HSPA14: variants seen among roughly 807,000 people sequenced by gnomAD.
The protein encoded by HSPA14 is heat shock protein family A (Hsp70) member 14, also known as heat shock 70 kDa protein 14.
In HSPA14, 37 loss-of-function variants were observed where a neutral mutation model predicts 65.5. That is an observed-to-expected ratio of 0.56 (90% CI 0.43 to 0.74). HSPA14 has a LOEUF of 0.74. Among genes scored for constraint, HSPA14 ranks in the 30% least tolerant of loss-of-function variants. HSPA14 has a pLI of 0.00. For synonymous variants in HSPA14, 203 were observed against 214.2 expected (o/e 0.95, Z 0.46); for missense variants, 564 against 607.6 (o/e 0.93, Z 0.75).
intron 3 of HSPA14, chr10:14,843,322 T>A (rs1265530386): frequency 1.3e-6 from 2 of 1,546,662 alleles, no homozygotes; most frequent in African/African-American, 2.7e-5. Flanking sequence ...CTCCAAGCAT[T>A]CCCTTAGCAG....
At chr10:14,859,517 T>A (rs1483836534) in intron 10 of HSPA14, among the ~76,000 whole-genome samples, 1 of 152,158 alleles carries the variant, frequency 6.6e-6, no homozygotes, top group Non-Finnish European at 1.5e-5. Context: ...GTCAGCTTAG[T>A]GGGCTTTTGT....
chr10:14,869,302 AT>A (rs1016526919), intron 12 of HSPA14, among the ~76,000 whole-genome samples: 39 of 132,674 alleles, frequency 2.9e-4, no homozygotes, highest in South Asian at 4.7e-4. Flanking sequence ...ATTTATTTTA[AT>A]TTTTTTTTTT....
chr10:14,860,083 T>C (rs1407569632), intron 10 of HSPA14, among the ~76,000 whole-genome samples: 1 of 152,250 alleles, frequency 6.6e-6, no homozygotes, highest in Non-Finnish European at 1.5e-5. Flanking sequence ...TATGGGATTA[T>C]TGCTCTTGTG....
Position 14,842,226 on chromosome 10 carries a change from C to T in HSPA14, c.221+2069C>T. 2.0e-6 allele frequency: 3 copies of T among 1,535,702 alleles called. No homozygotes were observed. The highest frequency in any genetic ancestry group is 1.7e-6 in the Non-Finnish European group (2 of 1,146,808). ...CCTGAGAGCACACAGAGCTTCCCCA[C>T]ACCTTCAGACTTGCACCTTGCTGTC... On this transcript the variant is annotated intron_variant, in intron 3 of 13. Transcript: ENST00000378372. This position sits in a 1 kb window ranked among gnomAD's most constrained non-coding sequence, Gnocchi z 5.2.
Position 14,854,241 on chromosome 10 carries a change from CATT to C in HSPA14, c.854_856del (p.Leu285del). ...GGAAGTGCCAACTGTTTTCTTGACT[CATT>C]ATATGAAGGTCAAGATTTTGATTGC... On this transcript the variant is annotated inframe_deletion, in exon 9 of 14. Transcript: ENST00000378372. The C allele has an allele frequency of 6.2e-7, 1 of 1,612,856 alleles. No individual in the cohort carries two copies. Among genetic ancestry groups the C allele is most frequent in the Non-Finnish European group, 8.5e-7 (1 of 1,179,572 alleles).
chr10:14,867,395 G>A (rs1400698336), intron 11 of HSPA14, 100 bp downstream of exon 11: 5 of 793,128 alleles, frequency 6.3e-6, no homozygotes, highest in Non-Finnish European at 2.0e-6. Context: ...TACATACCAT[G>A]ATGTTACAAT....
At chr10:14,858,334 T>C (rs1832725031) in intron 10 of HSPA14, among the ~76,000 whole-genome samples, 1 of 152,200 alleles carries the variant, frequency 6.6e-6, no homozygotes, top group Non-Finnish European at 1.5e-5. Flanking sequence ...TGAGGCGGAA[T>C]AGTTTTAGGT....
intron 9 of HSPA14, 34 bp from the exon 10 acceptor site, chr10:14,855,807 C>A: frequency 9.6e-7 from 1 of 1,043,622 alleles, no homozygotes; most frequent in Non-Finnish European, 1.5e-6. Flanking sequence ...GTCCCTGTGT[C>A]TGTGTGTTTC....
At position 14,849,796 on chromosome 10, in the gene HSPA14, A is replaced by G. The variant is rs1564322061; in HGVS notation, c.452A>G (p.Gln151Arg). Residue 151 changes from glutamine (Q) to arginine (R), a missense_variant, in exon 6 of 14, where the codon CAA (glutamine) becomes CGA (arginine). Physicochemically the swap from Gln to Arg is conservative, Grantham distance 43. Coordinates refer to ENST00000378372, the MANE Select transcript of HSPA14 (RefSeq NM_016299.4). ...ITVPFDFGEK[Q>R]KNALGEAARA... ...GTCCCGTTTGATTTTGGAGAAAAGC[A>G]AAAAAATGCTCTTGGGTAAGTATAT... The G allele has an allele frequency of 6.2e-7, 1 of 1,607,000 alleles. No individual in the cohort carries two copies. The highest frequency in any genetic ancestry group is 8.5e-7 in the Non-Finnish European group (1 of 1,174,122).
chr10:14,862,380 T>C (rs1027432632), intron 10 of HSPA14, among the ~76,000 whole-genome samples: 3 of 148,186 alleles, frequency 2.0e-5, no homozygotes, highest in African/African-American at 7.4e-5. Context: ...TCTTTTCTTT[T>C]TTTTTTTTTT....
chr10:14,851,178 C>A, intron 6 of HSPA14, 41 bp from the exon 7 acceptor site: 1 of 1,042,148 alleles, frequency 9.6e-7, no homozygotes, highest in Non-Finnish European at 1.5e-6. Flanking sequence ...TAGAATTGAA[C>A]ATGTGATAAA....
intron 9 of HSPA14, 34 bp from the exon 10 acceptor site, chr10:14,855,807 C>G (rs1834141725): frequency 9.6e-7 from 1 of 1,043,622 alleles, no homozygotes; most frequent in Non-Finnish European, 1.5e-6. Context: ...GTCCCTGTGT[C>G]TGTGTGTTTC....
Position 14,855,942 on chromosome 10 carries a change from A to G in HSPA14, c.992A>G (p.Lys331Arg), listed in dbSNP as rs1050249433. ...QNGFTADDIN[K>R]VVLCGGSSRI... Reference sequence around the variant, plus strand: ...GGATTTACAGCAGATGATATCAACAAGGTAATGCTTTTACATTTTTCTTAA... The same window carrying G: ...GGATTTACAGCAGATGATATCAACAGGGTAATGCTTTTACATTTTTCTTAA... The change falls in exon 10 of 14, where the codon AAG (lysine) becomes AGG (arginine). Residue 331 changes from lysine to arginine, a missense_variant and splice_region_variant. Physicochemically the swap from Lys to Arg is conservative, Grantham distance 26. Transcript: ENST00000378372. 1.3e-6 allele frequency: 2 copies of G among 1,521,674 alleles called. No individual in the cohort carries two copies. The highest frequency in any genetic ancestry group is 2.7e-5 in the African/African-American group (2 of 72,960). The allele number at this position is 1,521,674 out of a possible 1,614,324, so 94.3% of individuals were successfully genotyped here. A position where few individuals can be genotyped will look rare whatever the true frequency, so the allele number is the denominator to read the frequency against.
intron 12 of HSPA14, 91 bp downstream of exon 12, chr10:14,868,000 T>C (rs925929666): frequency 1.5e-5 from 15 of 970,618 alleles, no homozygotes; most frequent in Non-Finnish European, 2.0e-5. Context: ...TGTGTATATA[T>C]ATAAAGGACA....
chr10:14,856,845 C>G (rs537660938), intron 10 of HSPA14, among the ~76,000 whole-genome samples: 13 of 152,182 alleles, frequency 8.5e-5, no homozygotes, highest in African/African-American at 3.1e-4. Context: ...GGGGACAGAG[C>G]AAGACCCCAT....
intron 10 of HSPA14, among the ~76,000 whole-genome samples, chr10:14,864,716 G>T (rs1045788615): frequency 2.6e-5 from 4 of 152,310 alleles, no homozygotes; most frequent in Non-Finnish European, 5.9e-5. Flanking sequence ...TCTTAATCCA[G>T]TCTATCCTTA....
In HSPA14 at chr10:14,848,905, A is replaced by C; in HGVS notation, c.376+10A>C. On this transcript the variant is annotated intron_variant, in intron 5 of 13. Transcript: ENST00000378372. ...TTTAGTAAAATGAAAGGTATTTAGC[A>C]AAAGATATATAATAGTTACCTTTAA... is the stretch of plus-strand genomic sequence containing the variant. The C allele has an allele frequency of 1.5e-6, 2 of 1,336,500 alleles. No homozygotes were observed. The highest frequency in any genetic ancestry group is 2.1e-6 in the Non-Finnish European group (2 of 944,648). The allele number at this position is 1,336,500 out of a possible 1,614,324, so 82.8% of individuals were successfully genotyped here.
At chr10:14,857,880 T>C (rs1398638069) in intron 10 of HSPA14, among the ~76,000 whole-genome samples, 1 of 152,194 alleles carries the variant, frequency 6.6e-6, no homozygotes, top group East Asian at 1.9e-4. Flanking sequence ...TTTTTGCAGT[T>C]TAGTTCAATA....
chr10:14,869,672 C>T (rs1475927727), intron 12 of HSPA14, among the ~76,000 whole-genome samples: 3 of 152,202 alleles, frequency 2.0e-5, no homozygotes, highest in Admixed American at 2.0e-4. Flanking sequence ...GCACCTCAGA[C>T]TTACCAACTT....
Sources: gnomAD v4.1 joint callset for allele counts (sites outside exome capture counted in the v4.1 genomes callset) on GRCh38, gnomAD v4.1.1 for gene constraint, Gnocchi (gnomAD v3.1) non-coding constraint, MANE v1.5 for transcripts, NCBI Gene and HGNC (gene_info 2026-07-23, HGNC 2026-07-21) for gene names.